The following CACNA1G variants were observed in gnomAD, a reference collection of about 807,000 sequenced individuals.
CACNA1G encodes voltage-dependent T-type calcium channel subunit alpha-1G.
CACNA1G carries 67 observed loss-of-function variants against 219.4 expected under a neutral mutation model. The observed-to-expected ratio is 0.31, with a 90% confidence interval of 0.25 to 0.37. CACNA1G has a LOEUF of 0.37. CACNA1G is among the 10% of genes least tolerant of loss of function. CACNA1G has a pLI of 1.00. For missense variants in CACNA1G, 2,380 were observed against 3,231.4 expected (o/e 0.74, Z 6.39); for synonymous variants, 1,296 against 1,345.3 (o/e 0.96, Z 0.80).
At chr17:50,569,087 T>C in intron 2 of CACNA1G, 78 bp from the exon 3 acceptor site, 1 of 1,569,210 alleles carries the variant, frequency 6.4e-7, no homozygotes. Context: ...CTGACCCAAC[T>C]GGTGGGGACT....
intron 13 of CACNA1G, among the ~76,000 whole-genome samples, chr17:50,593,461 C>A (rs1359086654): frequency 6.6e-6 from 1 of 152,258 alleles, no homozygotes; most frequent in Non-Finnish European, 1.5e-5. Context: ...TCTGGAGGTG[C>A]CCAGCACAGA....
chr17:50,561,184 AG>A lies in CACNA1G; in HGVS notation c.-271del, dbSNP rs989137541. The A allele has an allele frequency of 4.0e-5, 22 of 553,762 alleles. No individual in the cohort carries two copies. Among genetic ancestry groups the A allele is most frequent in the Admixed American group, 2.0e-4 (7 of 35,260 alleles). The allele number at this position is 553,762 out of a possible 1,614,324, so 34.3% of individuals were successfully genotyped here. The stretch of plus-strand genomic sequence containing the variant: ...GAAGCGAAGAAGCCGGAACAAAGTG[AG>A]GGGGAGCCGGCCGGCTGGCCCGGGA... On this transcript the variant is annotated 5_prime_UTR_variant, in exon 1 of 38. Coordinates refer to ENST00000359106, the MANE Select transcript of CACNA1G (RefSeq NM_018896.5).
At chr17:50,622,729 C>G (rs2052472846) in intron 35 of CACNA1G, among the ~76,000 whole-genome samples, 1 of 152,180 alleles carries the variant, frequency 6.6e-6, no homozygotes, top group Non-Finnish European at 1.5e-5. Context: ...ACTAGGCTCC[C>G]TCATGCTGGA....
rs1032320475 is a variant in CACNA1G at position 50,575,809 on chromosome 17, A to C, written c.1407A>C (p.Ala469=). ...GVRVGLLSSP[A]PLGGQETQPS... ...GGGTTGGGCTGCTCAGCAGCCCAGC[A>C]CCCCTCGGGGGCCAGGAGACCCAGC... The change falls in exon 8 of 38, where the codon GCA becomes GCC. Residue 469 remains alanine, a synonymous_variant. Coordinates refer to ENST00000359106, the MANE Select transcript of CACNA1G (RefSeq NM_018896.5). 10 of 1,551,380 alleles carry C rather than the reference A, an allele frequency of 6.4e-6. No homozygotes were observed. The Admixed American group carries it at 1.8e-4, about 27-fold the overall frequency.
At chr17:50,580,207 C>T (rs900275549) in intron 9 of CACNA1G, among the ~76,000 whole-genome samples, 4 of 152,140 alleles carry the variant, frequency 2.6e-5, no homozygotes, top group African/African-American at 9.7e-5. Context: ...TGTGTGTGCA[C>T]ATGCCAACTC....
Position 50,624,349 on chromosome 17 carries a change from T to TGCCA in CACNA1G, c.6230-11_6230-10insGCCA. ...TCCCCCCACCCCTCCCCCGCTTCCC[T>TGCCA]CCCTCCACAGGCTCCGTCTTGTCCG... On this transcript the variant is annotated splice_polypyrimidine_tract_variant and intron_variant, in intron 36 of 37. Transcript: ENST00000359106. 1 of 435,366 alleles carries TGCCA rather than the reference T, an allele frequency of 2.3e-6. No homozygotes were observed. The highest frequency in any genetic ancestry group is 3.4e-6 in the Non-Finnish European group (1 of 295,310). The allele number at this position is 435,366 out of a possible 1,614,324, so 27.0% of individuals were successfully genotyped here.
At position 50,609,380 on chromosome 17, in the gene CACNA1G, G is replaced by A. The variant is rs545012212; in HGVS notation, c.4706-502G>A. On this transcript the variant is annotated intron_variant, in intron 25 of 37. Transcript: ENST00000359106. ...TCAGCACCCCCAAGGCCTTCTGCTC[G>A]GCTCAGGGTAGGGGTCCGGGTTCGG... Among the ~76,000 whole-genome samples, 22 of 152,272 alleles carry A rather than the reference G, an allele frequency of 1.4e-4. No homozygotes were observed. In the South Asian group the frequency reaches 2.9e-3, roughly 20 times the overall value.
Position 50,591,623 on chromosome 17 carries a change from G to A in CACNA1G, c.2639+3G>A. On this transcript the variant is annotated splice_donor_region_variant and intron_variant, in intron 11 of 37. Transcript: ENST00000359106. Reference sequence around the variant, plus strand: ...ATGCTCTTCATCTTCATCTTCAGGTGAGGGCGGCATGGCACCTTGCCGGCT... The same window carrying A: ...ATGCTCTTCATCTTCATCTTCAGGTAAGGGCGGCATGGCACCTTGCCGGCT... 1 of 1,612,996 alleles carries A rather than the reference G, an allele frequency of 6.2e-7. No homozygotes were observed. The highest frequency in any genetic ancestry group is 8.5e-7 in the Non-Finnish European group (1 of 1,179,456).
chr17:50,623,791 G>C, intron 35 of CACNA1G, 116 bp from the exon 36 acceptor site: 1 of 1,080,676 alleles, frequency 9.3e-7, no homozygotes, highest in East Asian at 2.6e-5. Flanking sequence ...TCCTGGGAGG[G>C]CACGGGGGTG....
Position 50,618,157 on chromosome 17 carries a change from C to T in CACNA1G, c.5305+31C>T, listed in dbSNP as rs750994896. ...TTGGGGTAGGGGAGGGTGGAGGAGC[C>T]AGGGCTGGAGACCAGGGGGCTCCTG... On this transcript the variant is annotated intron_variant, in intron 31 of 37. Coordinates refer to ENST00000359106, the MANE Select transcript of CACNA1G (RefSeq NM_018896.5). The surrounding 1 kb of genome is among the most constrained non-coding windows in gnomAD (Gnocchi z 5.3). 1 of 1,613,138 alleles carries T rather than the reference C, an allele frequency of 6.2e-7. No individual in the cohort carries two copies. Among genetic ancestry groups the T allele is most frequent in the South Asian group, 1.1e-5 (1 of 91,022 alleles).
chr17:50,622,418 A>C (rs754854432), intron 35 of CACNA1G, among the ~76,000 whole-genome samples: 1 of 151,488 alleles, frequency 6.6e-6, no homozygotes, highest in Non-Finnish European at 1.5e-5. Context: ...GACTGTGAGC[A>C]GCCCCCTCCT....
Position 50,578,929 on chromosome 17 carries a change from T to C in CACNA1G, c.2301+365T>C, listed in dbSNP as rs942743376. Among the ~76,000 whole-genome samples the C allele has an allele frequency of 6.6e-6, 1 of 151,376 alleles. No individual in the cohort carries two copies. Among genetic ancestry groups the C allele is most frequent in the African/African-American group, 2.4e-5 (1 of 41,108 alleles). ...GAGAAGGTGTAGTGCGGAGGGCGGG[T>C]GTTGGAGGTCCTGTGGCATCCATCT... On this transcript the variant is annotated intron_variant, in intron 9 of 37. Coordinates refer to ENST00000359106, the MANE Select transcript of CACNA1G (RefSeq NM_018896.5). The surrounding 1 kb of genome is among the most constrained non-coding windows in gnomAD (Gnocchi z 4.5).
Position 50,618,473 on chromosome 17 carries a change from A to T in CACNA1G, c.5427+130A>T. 7.6e-7 allele frequency: 1 copy of T among 1,309,504 alleles called. No individual in the cohort carries two copies. Among genetic ancestry groups the T allele is most frequent in the Non-Finnish European group, 1.1e-6 (1 of 932,474 alleles). 81.1% of individuals were successfully genotyped at this position (1,309,504 alleles called of 1,614,324 possible). A position where few individuals can be genotyped will look rare whatever the true frequency, so the allele number is the denominator to read the frequency against. ...TCTCCCCCGTGCTAGAACACTCTGG[A>T]ACTCCCTCTCCCAGGAACATGCTCT... On this transcript the variant is annotated intron_variant, in intron 32 of 37. Transcript: ENST00000359106. The surrounding 1 kb of genome is among the most constrained non-coding windows in gnomAD (Gnocchi z 5.3).
chr17:50,565,530 A>G (rs1241834858), intron 1 of CACNA1G, among the ~76,000 whole-genome samples: 1 of 151,724 alleles, frequency 6.6e-6, no homozygotes, highest in Non-Finnish European at 1.5e-5. Context: ...CTATCCCCCT[A>G]CCTCCTCATT....
Position 50,603,372 on chromosome 17 carries a change from G to A in CACNA1G, c.4169+173G>A, listed in dbSNP as rs750998678. ...CCCAGACAACACTCAGATTACGGCC[G>A]CAGTAATTTCCCTCCAGGTGCACAC... On this transcript the variant is annotated intron_variant, in intron 21 of 37. Transcript: ENST00000359106. The surrounding 1 kb of genome is among the most constrained non-coding windows in gnomAD (Gnocchi z 6.4). Among the ~76,000 whole-genome samples the A allele has an allele frequency of 7.9e-5, 12 of 152,186 alleles. No individual in the cohort carries two copies. The highest frequency in any genetic ancestry group is 1.5e-4 in the Non-Finnish European group (10 of 68,034).
rs1242115480 is a variant in CACNA1G, at chr17:50,601,073, A to C, written c.3814A>C (p.Ile1272Leu). Residue 1272 changes from isoleucine to leucine, a missense_variant, in exon 19 of 38, where the codon ATC (isoleucine) becomes CTC (leucine). Ile to Leu is a conservative substitution (Grantham distance 5, BLOSUM62 2). Transcript: ENST00000359106. Reference sequence around the variant, plus strand: ...CAGGTTCCGCCTCCTGTGTCACCGGATCATCACCCACAAGATGTTCGACCA... The same window carrying C: ...CAGGTTCCGCCTCCTGTGTCACCGGCTCATCACCCACAAGATGTTCGACCA... ...QSRFRLLCHR[I>L]ITHKMFDHVV... 1 of 1,613,838 alleles carries C rather than the reference A, an allele frequency of 6.2e-7. No individual in the cohort carries two copies.
At chr17:50,562,465 C>A (rs1377466993) in intron 1 of CACNA1G, among the ~76,000 whole-genome samples, 2 of 152,134 alleles carry the variant, frequency 1.3e-5, no homozygotes, top group Non-Finnish European at 1.5e-5. Context: ...TCCGCTAGAG[C>A]CCAGTGCCGC....
chr17:50,586,621 C>A (rs1326474137), intron 9 of CACNA1G, among the ~76,000 whole-genome samples: 1 of 152,198 alleles, frequency 6.6e-6, no homozygotes, highest in Non-Finnish European at 1.5e-5. Flanking sequence ...CCTTTCACTC[C>A]TTTGTTCTGT....
intron 22 of CACNA1G, among the ~76,000 whole-genome samples, chr17:50,604,616 G>C (rs921309872): frequency 1.3e-5 from 2 of 152,190 alleles, no homozygotes; most frequent in African/African-American, 4.8e-5. Flanking sequence ...TTCCCGGCTC[G>C]AGCACAGTGG....
Sources: allele counts gnomAD v4.1 joint callset (sites outside exome capture counted in the v4.1 genomes callset), GRCh38; gene constraint gnomAD v4.1.1; non-coding constraint Gnocchi (gnomAD v3.1); transcripts MANE v1.5; gene names NCBI Gene and HGNC (gene_info 2026-07-23, HGNC 2026-07-21).